Variants in ZFHX3 observed in about 807,000 individuals in gnomAD.
ZFHX3 encodes the protein zinc finger homeobox 3, also known as zinc finger homeobox protein 3.
ZFHX3 carries 42 observed loss-of-function variants against 279.1 expected under a neutral mutation model. The ratio of observed to expected loss-of-function variants is 0.15; its 90% CI spans 0.12 to 0.19. The LOEUF (loss-of-function observed/expected upper bound fraction) is 0.19, where lower values mean the gene tolerates loss of function less well. ZFHX3 is among the 10% of genes least tolerant of loss of function. The pLI is 1.00. For missense variants in ZFHX3, 4,981 were observed against 4,754.0 expected (o/e 1.05, Z -1.40); for synonymous variants, 2,293 against 1,957.8 (o/e 1.17, Z -4.52).
Position 73,243,600 on chromosome 16 carries a change from G to A in ZFHX3, c.-1104+13447C>T, listed in dbSNP as rs114416510. Among the ~76,000 whole-genome samples the A allele has an allele frequency of 5.2e-3, 787 of 152,184 alleles. 4 individuals are homozygous for A. The highest frequency in any genetic ancestry group is 0.018 in the African/African-American group (751 of 41,522). On this transcript the variant is annotated intron_variant, in intron 5 of 17. Transcript: ENST00000641206. ...TATTGAACATCCCTGTAATATTCTC[G>A]TTGCTAGATGGAACTGACATTTCCA...
At chr16:73,770,630 T>C (rs780470813) in intron 1 of ZFHX3, among the ~76,000 whole-genome samples, 1 of 152,164 alleles carries the variant, frequency 6.6e-6, no homozygotes, top group African/African-American at 2.4e-5. Context: ...GAAAATAGCA[T>C]TGCTATCTGG....
chr16:72,993,769 G>T (rs1177909484), intron 1 of ZFHX3, among the ~76,000 whole-genome samples: 1 of 152,054 alleles, frequency 6.6e-6, no homozygotes, highest in East Asian at 1.9e-4. Flanking sequence ...CAAGTTCAGG[G>T]GGCATGGTAG....
intron 2 of ZFHX3, among the ~76,000 whole-genome samples, chr16:73,590,919 A>C (rs72801453): frequency 0.16 from 24,390 of 152,152 alleles, 2,337 homozygotes; most frequent in Non-Finnish European, 0.22. Context: ...GGGAAAAAAA[A>C]ATCAAACCAG....
At position 73,310,388 on chromosome 16, in the gene ZFHX3, T is replaced by G. The variant is rs1053837513; in HGVS notation, c.-1194+7852A>C. Among the ~76,000 whole-genome samples, 5 of 152,334 alleles carry G rather than the reference T, an allele frequency of 3.3e-5. 1 individual carries two copies. Among genetic ancestry groups the G allele is most frequent in the Middle Eastern group, 6.8e-3 (2 of 294 alleles). Reference sequence around the variant, plus strand: ...CTGGTTTATGATTGTTGTAAAACTCTCCACTGACAATGCATTCCTTTGCTG... The same window carrying G: ...CTGGTTTATGATTGTTGTAAAACTCGCCACTGACAATGCATTCCTTTGCTG... On this transcript the variant is annotated intron_variant, in intron 4 of 17. Coordinates refer to the ZFHX3 transcript ENST00000641206.
chr16:73,840,180 C>T (rs192209140), intron 1 of ZFHX3, among the ~76,000 whole-genome samples: 1 of 152,206 alleles, frequency 6.6e-6, no homozygotes, highest in Admixed American at 6.5e-5. Context: ...GGATGCTGGG[C>T]TCTGAGGGGT....
chr16:73,200,129 A>C (rs1174922530), intron 5 of ZFHX3, among the ~76,000 whole-genome samples: 2 of 152,156 alleles, frequency 1.3e-5, no homozygotes, highest in African/African-American at 4.8e-5. Flanking sequence ...TTTGAGTAAA[A>C]CATACCAGTG....
chr16:72,861,591 G>A (rs1451279358), intron 4 of ZFHX3, among the ~76,000 whole-genome samples: 3 of 152,160 alleles, frequency 2.0e-5, no homozygotes, highest in Non-Finnish European at 4.4e-5. Context: ...TGGAAAACCA[G>A]AGTCCAGGAA....
intron 7 of ZFHX3, among the ~76,000 whole-genome samples, chr16:73,104,613 T>G (rs1322794421): frequency 6.6e-6 from 1 of 151,764 alleles, no homozygotes; most frequent in East Asian, 1.9e-4. Flanking sequence ...TCTGGGGGAG[T>G]ACGTACCACA....
chr16:73,284,896 G>A (rs1306477846), intron 4 of ZFHX3, among the ~76,000 whole-genome samples: 1 of 152,148 alleles, frequency 6.6e-6, no homozygotes, highest in Non-Finnish European at 1.5e-5. Context: ...AGGCTGGAGA[G>A]CACTGGTGTG....
In ZFHX3 at chr16:73,055,719, CACAT is replaced by C. The variant is rs1225762696; in HGVS notation, c.-24+2807_-24+2810del. ...GCGCGCACACACACACACACACACA[CACAT>C]ACACACACACACACGTCAGGACTGC... On this transcript the variant is annotated intron_variant, in intron 1 of 8. Transcript: ENST00000397992. Among the ~76,000 whole-genome samples the C allele has an allele frequency of 8.2e-4, 118 of 143,468 alleles. 1 individual carries two copies. Among genetic ancestry groups the C allele is most frequent in the Middle Eastern group, 7.4e-3 (2 of 270 alleles). 94.1% of individuals were successfully genotyped at this position (143,468 alleles called of 152,430 possible). A position where few individuals can be genotyped will look rare whatever the true frequency, so the allele number is the denominator to read the frequency against.
intron 4 of ZFHX3, among the ~76,000 whole-genome samples, chr16:73,284,474 A>G (rs1240702740): frequency 6.6e-6 from 1 of 152,158 alleles, no homozygotes; most frequent in African/African-American, 2.4e-5. Context: ...CTAAAACACT[A>G]AAATTAAAAT....
intron 2 of ZFHX3, among the ~76,000 whole-genome samples, chr16:73,458,352 T>TCCTCCCTCCCTC: frequency 8.5e-6 from 1 of 117,746 alleles, no homozygotes. Context: ...CTCCCTCCCT[T>TCCTCCCTCCCTC]CCTCCTTTCC....
Position 72,961,011 on chromosome 16 carries a change from C to A in ZFHX3, c.-49-817G>T, listed in dbSNP as rs191467000. Among the ~76,000 whole-genome samples the A allele has an allele frequency of 3.9e-5, 6 of 152,240 alleles. No homozygotes were observed. In the East Asian group the frequency reaches 5.8e-4, roughly 15 times the overall value. On this transcript the variant is annotated intron_variant, in intron 1 of 9. Transcript: ENST00000268489. ...CACCCATACCAGTCAAGCTCCCTGG[C>A]CTGTGACTCTAGCTGACTTCAGACT...
At chr16:73,127,450 C>A (rs1966589383) in intron 7 of ZFHX3, 2 of 1,305,430 alleles carry the variant, frequency 1.5e-6, no homozygotes, top group Non-Finnish European at 2.0e-6. Flanking sequence ...GGAACTGAGA[C>A]ATCAAGCGAG....
At chr16:73,863,914 A>G (rs931476281) in intron 1 of ZFHX3, among the ~76,000 whole-genome samples, 6 of 152,198 alleles carry the variant, frequency 3.9e-5, no homozygotes, top group African/African-American at 1.4e-4. Context: ...AATTTTTCAG[A>G]TAGAAAAATG....
chr16:73,529,934 T>TGG (rs1555522917), intron 2 of ZFHX3, among the ~76,000 whole-genome samples: 5 of 67,378 alleles, frequency 7.4e-5, no homozygotes, highest in East Asian at 6.4e-4. Flanking sequence ...GGAAGTATTT[T>TGG]GGGTGTGTGT....
intron 3 of ZFHX3, among the ~76,000 whole-genome samples, chr16:73,434,666 G>A (rs1294287339): frequency 3.3e-5 from 5 of 152,098 alleles, no homozygotes; most frequent in Non-Finnish European, 7.4e-5. Context: ...TTTTGGAGGT[G>A]ATCAGATAAC....
intron 8 of ZFHX3, among the ~76,000 whole-genome samples, chr16:73,067,648 A>T (rs1298671009): frequency 6.6e-6 from 1 of 152,234 alleles, no homozygotes; most frequent in East Asian, 1.9e-4. Context: ...CGGTTCACAC[A>T]GGTGGACACT....
At chr16:73,751,675 G>T (rs2053763619) in intron 1 of ZFHX3, among the ~76,000 whole-genome samples, 2 of 152,074 alleles carry the variant, frequency 1.3e-5, no homozygotes, top group Non-Finnish European at 2.9e-5. Context: ...TCTTCTCATT[G>T]TTCAGAAATT....
Sources: gnomAD v4.1 joint callset for allele counts (sites outside exome capture counted in the v4.1 genomes callset) on GRCh38, gnomAD v4.1.1 for gene constraint, MANE v1.5 for transcripts, NCBI Gene and HGNC (gene_info 2026-07-23, HGNC 2026-07-21) for gene names.